FAM120C: variants seen among roughly 807,000 people sequenced by gnomAD.
The protein encoded by FAM120C is family with sequence similarity 120 member C, also known as constitutive coactivator of PPAR-gamma-like protein 2.
Under a neutral mutation model 71.2 loss-of-function variants are expected in FAM120C, and 14 were observed. That is an observed-to-expected ratio of 0.20 (90% confidence interval 0.13 to 0.31). FAM120C has a LOEUF of 0.31. Ranked by LOEUF, FAM120C falls within the 10% of genes least tolerant of loss-of-function variation. The pLI, the probability that FAM120C is intolerant of heterozygous loss-of-function variation, is 1.00. For missense variants in FAM120C, 500 were observed against 879.0 expected, an observed-to-expected ratio of 0.57 and a Z score of 5.45; for synonymous variants, 354 against 353.2, an observed-to-expected ratio of 1.00 and a Z score of -0.03.
intron 15 of FAM120C, among the ~76,000 whole-genome samples, chrX:54,074,434 TTGAGAC>T (rs1189795301): frequency 8.9e-6 from 1 of 112,771 alleles, no homozygotes; most frequent in Non-Finnish European, 1.9e-5. Context: ...TCTTTTCTTT[TTGAGAC>T]AGAGTTTCAC....
rs190519928 is a variant in FAM120C, at chrX:54,088,075, T to A, written c.2428-111A>T. On this transcript the variant is annotated intron_variant, in intron 11 of 15. Transcript: ENST00000375180. ...CCAGTTAAATTTGAACATGCTGTCA[T>A]TCAATGTAGACATCTCAGTGCATAA... The A allele has an allele frequency of 1.4e-3, 857 of 630,118 alleles. 1 individual carries two copies. Among genetic ancestry groups the A allele is most frequent in the Non-Finnish European group, 1.7e-3 (712 of 408,692 alleles). 51.9% of individuals were successfully genotyped at this position (630,118 alleles called of 1,213,427 possible). A position where few individuals can be genotyped will look rare whatever the true frequency, so the allele number is the denominator to read the frequency against.
intron 3 of FAM120C, among the ~76,000 whole-genome samples, chrX:54,153,573 A>ATTTT (rs781816271): frequency 1.1e-5 from 1 of 92,499 alleles, no homozygotes; most frequent in Non-Finnish European, 2.2e-5. Flanking sequence ...ACGCCCAGCT[A>ATTTT]TTTTTTTTTT....
At chrX:54,117,907 CA>C (rs1235308996) in intron 9 of FAM120C, among the ~76,000 whole-genome samples, 3 of 110,821 alleles carry the variant, frequency 2.7e-5, no homozygotes, top group Non-Finnish European at 5.7e-5. Context: ...ACAAAATTCT[CA>C]AAAAAATCAA....
chrX:54,182,464 T>C, intron 1 of FAM120C, 36 bp downstream of exon 1: 3 of 1,171,653 alleles, frequency 2.6e-6, no homozygotes, highest in South Asian at 1.9e-5. Context: ...GGAATAGGTG[T>C]GGGGCTTATT....
At chrX:54,094,083 C>CTTTTT (rs35721972) in intron 10 of FAM120C, among the ~76,000 whole-genome samples, 25 of 61,458 alleles carry the variant, frequency 4.1e-4, no homozygotes, top group Admixed American at 1.0e-3. Flanking sequence ...TCCACGACTC[C>CTTTTT]TTTTTTTTTT....
intron 10 of FAM120C, among the ~76,000 whole-genome samples, chrX:54,097,730 T>G (rs782501349): frequency 3.9e-4 from 43 of 111,384 alleles, no homozygotes; most frequent in Middle Eastern, 4.6e-3. Flanking sequence ...TTATTTTTAT[T>G]TATTTATTTA....
intron 9 of FAM120C, among the ~76,000 whole-genome samples, chrX:54,125,940 G>A (rs1432078221): frequency 8.9e-6 from 1 of 112,164 alleles, no homozygotes; most frequent in East Asian, 2.8e-4. Flanking sequence ...AACACCTTTT[G>A]TTAAATTTTT....
At chrX:54,151,680 T>C (rs1400782560) in intron 3 of FAM120C, among the ~76,000 whole-genome samples, 1 of 111,607 alleles carries the variant, frequency 9.0e-6, no homozygotes, top group Non-Finnish European at 1.9e-5. Flanking sequence ...TTAAATGTAA[T>C]ATTATAATGA....
intron 11 of FAM120C, 56 bp from the exon 12 acceptor site, chrX:54,088,020 T>G: frequency 1.0e-6 from 1 of 966,130 alleles, no homozygotes. Context: ...CTTGGTAACA[T>G]TTACTCTTAT....
At chrX:54,079,249 G>A (rs1358056577) in intron 15 of FAM120C, among the ~76,000 whole-genome samples, 2 of 97,492 alleles carry the variant, frequency 2.1e-5, no homozygotes, top group African/African-American at 7.6e-5. Context: ...ACAGCAGAGC[G>A]AGACTCATCT....
chrX:54,085,601 G>T, intron 13 of FAM120C, 114 bp downstream of exon 13: 2 of 646,607 alleles, frequency 3.1e-6, no homozygotes, highest in Non-Finnish European at 4.5e-6. Flanking sequence ...AAAAAAAAAA[G>T]TCAATGAGAT....
chrX:54,085,234 G>A (rs1391384474), intron 13 of FAM120C, among the ~76,000 whole-genome samples: 3 of 112,127 alleles, frequency 2.7e-5, no homozygotes, highest in Non-Finnish European at 5.6e-5. Flanking sequence ...CCTCTATGAA[G>A]AATGGTCTTA....
chrX:54,170,460 G>C (rs781910766), intron 1 of FAM120C, among the ~76,000 whole-genome samples: 1 of 111,777 alleles, frequency 8.9e-6, no homozygotes, highest in South Asian at 3.7e-4. Flanking sequence ...ATTACTCTTA[G>C]GCTGCCAGAA....
At chrX:54,142,635 C>G (rs980041014) in intron 4 of FAM120C, among the ~76,000 whole-genome samples, 34 of 112,205 alleles carry the variant, frequency 3.0e-4, no homozygotes, top group African/African-American at 3.9e-4. Context: ...GGAGGACTGC[C>G]TGCCTCTGTA....
At chrX:54,135,293 G>A (rs1012779014) in intron 6 of FAM120C, among the ~76,000 whole-genome samples, 182 bp from the exon 7 acceptor site, 2 of 111,934 alleles carry the variant, frequency 1.8e-5, no homozygotes, top group South Asian at 3.7e-4. Flanking sequence ...ACAATGAACA[G>A]TTGAAGTCTC....
chrX:54,114,334 A>T (rs1178398787), intron 10 of FAM120C, among the ~76,000 whole-genome samples: 1 of 111,943 alleles, frequency 8.9e-6, no homozygotes, highest in Non-Finnish European at 1.9e-5. Flanking sequence ...AGTGATGGCT[A>T]CGTGAAAAGC....
At position 54,183,085 on chromosome X, in the gene FAM120C, G is replaced by C. The variant is rs974707592; in HGVS notation, c.114C>G (p.His38Gln). Reference sequence around the variant, plus strand: ...CAGTCGGCGGCAGCTGGCGGTGCAAGTGCTGCTGCTGCTGCTGGCGCGAGA... The same window carrying C: ...CAGTCGGCGGCAGCTGGCGGTGCAACTGCTGCTGCTGCTGCTGGCGCGAGA... ...RTVSRQQQQQ[H>Q]LHRQLPPTAA... Residue 38 changes from histidine (H) to glutamine (Q), a missense_variant, in exon 1 of 16, where the codon CAC becomes CAG. Physicochemically the swap from His to Gln is conservative, Grantham distance 24. Transcript: ENST00000375180. The C allele has an allele frequency of 8.6e-7, 1 of 1,156,444 alleles. No individual in the cohort carries two copies. Among genetic ancestry groups the C allele is most frequent in the Non-Finnish European group, 1.1e-6 (1 of 871,270 alleles).
chrX:54,100,567 G>A (rs986486277), intron 10 of FAM120C, among the ~76,000 whole-genome samples: 1 of 111,414 alleles, frequency 9.0e-6, no homozygotes, highest in Non-Finnish European at 1.9e-5. Flanking sequence ...TCAGCTACTC[G>A]GGAGGCTGAG....
chrX:54,167,873 C>A (rs2067268075), intron 1 of FAM120C, among the ~76,000 whole-genome samples: 1 of 107,039 alleles, frequency 9.3e-6, no homozygotes, highest in African/African-American at 3.4e-5. Context: ...GAGGCTGAGG[C>A]AGGAGGATCG....
Sources: gnomAD v4.1 joint callset for allele counts (sites outside exome capture counted in the v4.1 genomes callset) on GRCh38, gnomAD v4.1.1 for gene constraint, MANE v1.5 for transcripts, NCBI Gene and HGNC (gene_info 2026-07-23, HGNC 2026-07-21) for gene names.